Variants in TARBP1 observed in about 807,000 individuals in gnomAD.
TARBP1 encodes tRNA guanosine 2 -O-methyltransferase TARBP1.
Under a neutral mutation model 178.6 loss-of-function variants are expected in TARBP1, and 144 were observed. The observed-to-expected ratio is 0.81, with a 90% CI of 0.70 to 0.93. TARBP1 has a LOEUF of 0.93. TARBP1 is among the 40% of genes least tolerant of loss of function. The pLI is 0.00. For synonymous variants in TARBP1, 787 were observed against 781.0 expected (o/e 1.01, Z -0.13); for missense variants, 2,067 against 2,011.7 (o/e 1.03, Z -0.53).
chr1:234,406,660 A>G (rs1275129705), intron 23 of TARBP1: 1 of 152,346 alleles, frequency 6.6e-6, no homozygotes, highest in East Asian at 1.9e-4. Context: ...GGAAAATAAT[A>G]AAACTGTTTA....
intron 14 of TARBP1, among the ~76,000 whole-genome samples, chr1:234,432,298 C>T (rs915941662): frequency 2.6e-5 from 4 of 152,040 alleles, no homozygotes; most frequent in South Asian, 2.1e-4. Flanking sequence ...AAAAATTAGC[C>T]GGGCATGGTG....
At chr1:234,411,340 T>C (rs1182112508) in intron 22 of TARBP1, among the ~76,000 whole-genome samples, 1 of 152,160 alleles carries the variant, frequency 6.6e-6, no homozygotes, top group Admixed American at 6.5e-5. Context: ...AACAAAAGAC[T>C]TGAGCATCCT....
rs1558271759 is a variant in TARBP1 at position 234,478,524 on chromosome 1, G to A, written c.580C>T (p.Arg194Ter). ...CATTGGACCAGCACTGGCAGCAGTC[G>A]CCCGGCCACCAGCGCCGCCGCGTCC... ...AEDAAALVAG[R>*]LLPVLVQCGG... is the part of the protein sequence containing the mutation. The change falls in exon 1 of 30, where the codon CGA (arginine) becomes TGA (stop). Residue 194 changes from arginine to a stop codon, truncating the protein, a stop_gained. Coordinates refer to ENST00000040877, the MANE Select transcript of TARBP1 (RefSeq NM_005646.4). LOFTEE classifies it high-confidence loss of function. 1 of 1,375,462 alleles carries A rather than the reference G, an allele frequency of 7.3e-7. No individual in the cohort carries two copies. Among genetic ancestry groups the A allele is most frequent in the South Asian group, 1.5e-5 (1 of 67,104 alleles). 85.2% of individuals were successfully genotyped at this position (1,375,462 alleles called of 1,614,324 possible).
chr1:234,438,749 T>C (rs1043240401), intron 12 of TARBP1, among the ~76,000 whole-genome samples: 1 of 152,172 alleles, frequency 6.6e-6, no homozygotes, highest in Non-Finnish European at 1.5e-5. Flanking sequence ...CTGAAAACTT[T>C]CCAAATCTGA....
At chr1:234,446,017 C>T (rs1454772068) in intron 12 of TARBP1, among the ~76,000 whole-genome samples, 1 of 151,478 alleles carries the variant, frequency 6.6e-6, no homozygotes, top group Non-Finnish European at 1.5e-5. Flanking sequence ...ATTTTCATAG[C>T]ATTTGGTTCT....
intron 9 of TARBP1, among the ~76,000 whole-genome samples, chr1:234,451,748 C>CAAAAAAAAAAAAAAAAAAA (rs766485621): frequency 1.5e-4 from 1 of 6,620 alleles, no homozygotes; most frequent in Non-Finnish European, 2.2e-4. Context: ...GACTCCGTCT[C>CAAAAAAAAAAAAAAAAAAA]AAAAAAAAAA....
At chr1:234,413,254 G>C (rs1474316292) in intron 22 of TARBP1, among the ~76,000 whole-genome samples, 1 of 152,250 alleles carries the variant, frequency 6.6e-6, no homozygotes, top group African/African-American at 2.4e-5. Flanking sequence ...GCTCACGCCT[G>C]TAATCCCAGC....
chr1:234,394,493 T>C (rs559592085), intron 26 of TARBP1, among the ~76,000 whole-genome samples: 1 of 152,312 alleles, frequency 6.6e-6, no homozygotes, highest in Admixed American at 6.5e-5. Flanking sequence ...AAGTGGCACT[T>C]AGTTCACTTA....
chr1:234,468,453 G>A (rs895486452), intron 3 of TARBP1, among the ~76,000 whole-genome samples: 2 of 152,122 alleles, frequency 1.3e-5, no homozygotes, highest in African/African-American at 4.8e-5. Context: ...GGGCAACAGA[G>A]TGAGACTCTG....
chr1:234,445,965 G>A (rs961234266), intron 12 of TARBP1, among the ~76,000 whole-genome samples: 6 of 152,146 alleles, frequency 3.9e-5, no homozygotes, highest in Non-Finnish European at 8.8e-5. Context: ...GAATTCAAAT[G>A]TATGCCCTTA....
At chr1:234,401,325 C>T in intron 24 of TARBP1, 63 bp from the exon 25 acceptor site, 1 of 1,262,878 alleles carries the variant, frequency 7.9e-7, no homozygotes, top group Non-Finnish European at 1.1e-6. Context: ...AGGGGAGAAT[C>T]AATTCAGTAT....
At chr1:234,465,556 C>A in intron 5 of TARBP1, 100 bp downstream of exon 5, 1 of 1,069,332 alleles carries the variant, frequency 9.4e-7, no homozygotes, top group Non-Finnish European at 1.3e-6. Context: ...ACTGTCTATT[C>A]AGCAACATAC....
rs756279100 is a variant in TARBP1, at chr1:234,429,725, C to G, written c.2610-48G>C. The G allele has an allele frequency of 2.6e-6, 4 of 1,539,312 alleles. No homozygotes were observed. The South Asian group carries it at 5.1e-5, about 20-fold the overall frequency. On this transcript the variant is annotated intron_variant, in intron 15 of 29. Transcript: ENST00000040877. ...TAGGCCATACTTCCCCAATTTGCCT[C>G]CACGTCTTTTGCACGTAGCACACTA...
Position 234,478,367 on chromosome 1 carries a change from C to A in TARBP1, c.737G>T (p.Gly246Val). 7.8e-7 allele frequency: 1 copy of A among 1,285,904 alleles called. No individual in the cohort carries two copies. Among genetic ancestry groups the A allele is most frequent in the Non-Finnish European group, 9.8e-7 (1 of 1,018,552 alleles). The allele number at this position is 1,285,904 out of a possible 1,614,324, so 79.7% of individuals were successfully genotyped here. The change falls in exon 1 of 30, where the codon GGC (glycine) becomes GTC (valine). Residue 246 changes from glycine (G) to valine (V), a missense_variant. Physicochemically the swap from Gly to Val is moderately radical, Grantham distance 109. Coordinates refer to ENST00000040877, the MANE Select transcript of TARBP1 (RefSeq NM_005646.4). ...CTCGCGCGCGCCGCGGGCGCGGTCG[C>A]CGCCGGGCTCGGGCAACAGCTTCTC... ...LAEKLLPEPG[G>V]DRARGAREAG...
rs930572075 is a variant in TARBP1, at chr1:234,479,174, G to A, written c.-71C>T. On this transcript the variant is annotated 5_prime_UTR_variant, in exon 1 of 30. Transcript: ENST00000040877. The stretch of plus-strand genomic sequence containing the variant: ...CCGGCGTGTGCGATGCGTGCGCACA[G>A]GACCGGCCGGCCCCTACGTGCGCGT... 6.0e-6 allele frequency: 8 copies of A among 1,335,608 alleles called. No homozygotes were observed. The highest frequency in any genetic ancestry group is 3.1e-5 in the African/African-American group (2 of 65,090). The allele number at this position is 1,335,608 out of a possible 1,614,324, so 82.7% of individuals were successfully genotyped here.
intron 4 of TARBP1, among the ~76,000 whole-genome samples, chr1:234,466,504 T>C (rs532113485): frequency 6.6e-6 from 1 of 150,870 alleles, no homozygotes; most frequent in East Asian, 2.0e-4. Flanking sequence ...AGAGTGAGAC[T>C]CTGTCTCAAA....
intron 6 of TARBP1, among the ~76,000 whole-genome samples, chr1:234,462,909 C>G (rs895692799): frequency 6.6e-6 from 1 of 152,096 alleles, no homozygotes; most frequent in Non-Finnish European, 1.5e-5. Flanking sequence ...GAAAAAAATA[C>G]GTATTTCATA....
chr1:234,427,548 G>C, intron 18 of TARBP1, 28 bp downstream of exon 18: 4 of 1,576,454 alleles, frequency 2.5e-6, no homozygotes, highest in Non-Finnish European at 3.4e-6. Context: ...TACAAGTTAT[G>C]ACCAGTTGAA....
chr1:234,421,416 A>T (rs1447786232), intron 20 of TARBP1, among the ~76,000 whole-genome samples: 1 of 152,174 alleles, frequency 6.6e-6, no homozygotes, highest in Non-Finnish European at 1.5e-5. Context: ...GAAGAGGGCC[A>T]AAAAACTGGG....
Sources: allele counts gnomAD v4.1 joint callset (sites outside exome capture counted in the v4.1 genomes callset), GRCh38; gene constraint gnomAD v4.1.1; transcripts MANE v1.5; gene names NCBI Gene and HGNC (gene_info 2026-07-23, HGNC 2026-07-21).